Variants in DLGAP2 observed in about 807,000 individuals in gnomAD.
DLGAP2 encodes the protein disks large-associated protein 2.
DLGAP2 carries 26 observed loss-of-function variants against 100.3 expected under a neutral mutation model. The observed-to-expected ratio is 0.26, with a 90% CI of 0.19 to 0.36. The LOEUF (loss-of-function observed/expected upper bound fraction) is 0.36. DLGAP2 is among the 10% of genes least tolerant of loss of function. The pLI, the probability that DLGAP2 is intolerant of heterozygous loss-of-function variation, is 1.00. For missense variants in DLGAP2, 1,858 were observed against 1,453.2 expected (o/e 1.28, Z -4.53); for synonymous variants, 886 against 630.1 (o/e 1.41, Z -6.08).
chr8:1,074,066 TG>T (rs1803522195), intron 2 of DLGAP2, among the ~76,000 whole-genome samples: 1 of 136,792 alleles, frequency 7.3e-6, no homozygotes, highest in Non-Finnish European at 1.5e-5. Flanking sequence ...CAGAAGGGTT[TG>T]CAGCAGACTG....
intron 1 of DLGAP2, chr8:822,000 C>T (rs1187189094): frequency 5.0e-6 from 2 of 396,864 alleles, no homozygotes; most frequent in East Asian, 3.6e-5. Context: ...CTTAGTCTCA[C>T]TTTTTAATGT....
intron 2 of DLGAP2, among the ~76,000 whole-genome samples, chr8:1,050,660 C>G (rs776746061): frequency 1.3e-5 from 2 of 152,144 alleles, no homozygotes; most frequent in Non-Finnish European, 2.9e-5. Context: ...TTCTTCCAAC[C>G]CAGTCTCCTC....
intron 3 of DLGAP2, among the ~76,000 whole-genome samples, chr8:1,451,923 C>A (rs1208760884): frequency 6.6e-6 from 1 of 152,266 alleles, no homozygotes; most frequent in Non-Finnish European, 1.5e-5. Context: ...GCCCCACACC[C>A]TGCTCTCTTC....
chr8:1,083,698 T>C (rs1585043809), intron 2 of DLGAP2, among the ~76,000 whole-genome samples: 1 of 152,156 alleles, frequency 6.6e-6, no homozygotes, highest in East Asian at 1.9e-4. Context: ...TGGCACACGG[T>C]TCCAAAGTAG....
intron 1 of DLGAP2, among the ~76,000 whole-genome samples, chr8:863,667 A>G (rs1797435781): frequency 1.3e-5 from 2 of 152,212 alleles, no homozygotes; most frequent in Admixed American, 6.5e-5. Context: ...AATCAAAACC[A>G]CAACGAGCTG....
At position 1,622,749 on chromosome 8, in the gene DLGAP2, C is replaced by T. The variant is rs113748486; in HGVS notation, c.1443-3991C>T. On this transcript the variant is annotated intron_variant, in intron 6 of 14. Transcript: ENST00000637795. Reference sequence around the variant, plus strand: ...AAAAAAAATTCTGAGCTACTAAGTCCATATAGCAAAATATGTTTCCATTTC... The same window carrying T: ...AAAAAAAATTCTGAGCTACTAAGTCTATATAGCAAAATATGTTTCCATTTC... Among the ~76,000 whole-genome samples, 181 of 152,298 alleles carry T rather than the reference C, an allele frequency of 1.2e-3. 2 individuals carry two copies. The highest frequency in any genetic ancestry group is 4.0e-3 in the African/African-American group (167 of 41,568).
At chr8:1,076,919 A>G (rs1803634029) in intron 2 of DLGAP2, among the ~76,000 whole-genome samples, 1 of 123,952 alleles carries the variant, frequency 8.1e-6, no homozygotes, top group South Asian at 3.2e-4. Flanking sequence ...CCCAAGACCA[A>G]GAGGAGGAGG....
chr8:918,672 T>C (rs1798644969), intron 2 of DLGAP2, among the ~76,000 whole-genome samples: 1 of 152,202 alleles, frequency 6.6e-6, no homozygotes, highest in Non-Finnish European at 1.5e-5. Context: ...GGGAAGACAA[T>C]TGTGTTAACC....
At chr8:1,430,867 C>A (rs1165556731) in intron 3 of DLGAP2, among the ~76,000 whole-genome samples, 1 of 152,196 alleles carries the variant, frequency 6.6e-6, no homozygotes, top group Admixed American at 6.5e-5. Flanking sequence ...TCTTTGATAT[C>A]AGGCATTGGC....
At chr8:1,442,312 C>T (rs1797857566) in intron 3 of DLGAP2, among the ~76,000 whole-genome samples, 1 of 144,646 alleles carries the variant, frequency 6.9e-6, no homozygotes, top group African/African-American at 2.6e-5. Context: ...TGCCAGGCTG[C>T]TGATGGGTTC....
chr8:1,321,005 G>A (rs892586745), intron 3 of DLGAP2, among the ~76,000 whole-genome samples: 12 of 151,606 alleles, frequency 7.9e-5, no homozygotes, highest in Admixed American at 3.9e-4. Flanking sequence ...GTGCCTCTGC[G>A]TGTGTGTGGG....
At chr8:1,211,874 C>A (rs757620625) in intron 2 of DLGAP2, among the ~76,000 whole-genome samples, 2 of 152,260 alleles carry the variant, frequency 1.3e-5, no homozygotes, top group African/African-American at 4.8e-5. Context: ...GACTTCGTCT[C>A]AAAAAATAAA....
chr8:880,172 T>G (rs1228226875), intron 1 of DLGAP2, among the ~76,000 whole-genome samples: 1 of 152,190 alleles, frequency 6.6e-6, no homozygotes, highest in Non-Finnish European at 1.5e-5. Context: ...GCCCCGCCCC[T>G]TCTCCCTCCA....
At chr8:1,595,531 G>T (rs1339284792) in intron 6 of DLGAP2, among the ~76,000 whole-genome samples, 1 of 151,196 alleles carries the variant, frequency 6.6e-6, no homozygotes, top group African/African-American at 2.4e-5. Flanking sequence ...GCCGGGCACG[G>T]TGGCGGGCGC....
Position 1,163,948 on chromosome 8 carries a change from G to C in DLGAP2, c.74-94903G>C, listed in dbSNP as rs1479432670. Among the ~76,000 whole-genome samples the C allele has an allele frequency of 2.0e-5, 3 of 152,216 alleles. No homozygotes were observed. In the East Asian group the frequency reaches 5.8e-4, roughly 29 times the overall value. On this transcript the variant is annotated intron_variant, in intron 2 of 14. Transcript: ENST00000637795. The stretch of plus-strand genomic sequence containing the variant: ...CTGGCTTCCTCCGGGTGAGGTGGTG[G>C]AGCCGCCTGCCAGGCCTCCTAGACG...
chr8:1,364,074 A>C (rs745538747), intron 3 of DLGAP2, among the ~76,000 whole-genome samples: 1 of 152,154 alleles, frequency 6.6e-6, no homozygotes, highest in African/African-American at 2.4e-5. Flanking sequence ...TGCCGCCTTC[A>C]GGTGCAGACC....
chr8:965,669 A>C (rs866064065), intron 2 of DLGAP2, among the ~76,000 whole-genome samples: 1 of 88,818 alleles, frequency 1.1e-5, no homozygotes, highest in Admixed American at 1.3e-4. Flanking sequence ...CTGACCCCGC[A>C]CTGCACACGG....
chr8:1,423,398 T>C (rs928492679), intron 3 of DLGAP2, among the ~76,000 whole-genome samples: 1 of 151,970 alleles, frequency 6.6e-6, no homozygotes, highest in Non-Finnish European at 1.5e-5. Context: ...TGGACTGGAG[T>C]TTGCATTTCC....
chr8:1,589,883 A>T (rs1452691867), intron 6 of DLGAP2, among the ~76,000 whole-genome samples: 1 of 152,140 alleles, frequency 6.6e-6, no homozygotes, highest in Non-Finnish European at 1.5e-5. Flanking sequence ...CACCATTTAC[A>T]TTTGGGGGAT....
Sources: gnomAD v4.1 joint callset for allele counts (sites outside exome capture counted in the v4.1 genomes callset) on GRCh38, gnomAD v4.1.1 for gene constraint, MANE v1.5 for transcripts, NCBI Gene and HGNC (gene_info 2026-07-23, HGNC 2026-07-21) for gene names.